Variants in PKD1 observed in about 807,000 individuals in gnomAD.
PKD1 encodes the protein polycystin-1.
Under a neutral mutation model 361.7 loss-of-function variants are expected in PKD1, and 81 were observed. The observed-to-expected ratio is 0.22, with a 90% CI of 0.19 to 0.27. The LOEUF (loss-of-function observed/expected upper bound fraction) is 0.27. PKD1 is among the 10% of genes least tolerant of loss of function. PKD1 has a pLI of 1.00. For synonymous variants in PKD1, 3,615 were observed against 2,818.3 expected (o/e 1.28, Z -8.95); for missense variants, 6,399 against 6,118.3 (o/e 1.05, Z -1.53).
intron 30 of PKD1, chr16:2,098,204 G>A (rs1055923416): frequency 3.5e-5 from 21 of 595,158 alleles, no homozygotes; most frequent in African/African-American, 2.2e-4. Context: ...AAGGAACAGA[G>A]TTTTAAATTT....
At chr16:2,132,308 G>A (rs1207314017) in intron 1 of PKD1, among the ~76,000 whole-genome samples, 2 of 150,316 alleles carry the variant, frequency 1.3e-5, no homozygotes, top group African/African-American at 2.4e-5. Context: ...GGTGGCTCAC[G>A]CCTGTAATCC....
Position 2,116,878 on chromosome 16 carries a change from G to A in PKD1, c.1561C>T (p.Leu521=). The A allele has an allele frequency of 1.3e-6, 2 of 1,533,378 alleles. No homozygotes were observed. The highest frequency in any genetic ancestry group is 1.7e-6 in the Non-Finnish European group (2 of 1,144,384). 95.0% of individuals were successfully genotyped at this position (1,533,378 alleles called of 1,614,324 possible). Residue 521 remains leucine (L), a synonymous_variant, in exon 7 of 46, where the codon CTG becomes TTG. Coordinates refer to ENST00000262304, the MANE Select transcript of PKD1 (RefSeq NM_001009944.3). ...LGPTGWCNTD[L]CSAPHSYVCE... The stretch of plus-strand genomic sequence containing the variant: ...ACGTAGCTGTGCGGCGCTGAGCACA[G>A]GTCGGTGTTACACCACCCGGTGGGC...
In PKD1 at chr16:2,089,622, C is replaced by G; in HGVS notation, c.*105G>C. On this transcript the variant is annotated 3_prime_UTR_variant, in exon 46 of 46. Transcript: ENST00000262304. ...TGCCCCTGCCTGCTCTCTGGGGAACCTACGTGCAGCCATTCTGCCTGGCCC... is the reference window on the plus strand; with the variant it reads ...TGCCCCTGCCTGCTCTCTGGGGAACGTACGTGCAGCCATTCTGCCTGGCCC... The G allele has an allele frequency of 2.9e-6, 4 of 1,387,074 alleles. No individual in the cohort carries two copies. Among genetic ancestry groups the G allele is most frequent in the Non-Finnish European group, 4.0e-6 (4 of 1,009,300 alleles). The allele number at this position is 1,387,074 out of a possible 1,614,324, so 85.9% of individuals were successfully genotyped here.
At position 2,100,306 on chromosome 16, in the gene PKD1, A is replaced by G. The variant is rs879021996; in HGVS notation, c.9572T>C (p.Leu3191Pro). ...KIRVWHDNKG[L>P]SPAWFLQHVI... ...GTGCTGCAGGAACCAGGCAGGGCTG[A>G]GCCCTGCAGAGGCGCAGGAGGGAGG... The change falls in exon 28 of 46, where the codon CTC (leucine) becomes CCC (proline). Residue 3191 changes from leucine to proline, a missense_variant. Leu to Pro is a moderately conservative substitution (Grantham distance 98, BLOSUM62 -3). Transcript: ENST00000262304. The surrounding 1 kb of genome is among the most constrained non-coding windows in gnomAD (Gnocchi z 4.4). 6.2e-7 allele frequency: 1 copy of G among 1,610,664 alleles called. No individual in the cohort carries two copies. The highest frequency in any genetic ancestry group is 1.1e-5 in the South Asian group (1 of 90,994).
In PKD1 at chr16:2,104,492, C is replaced by T. The variant is rs750500283; in HGVS notation, c.8161+6G>A. On this transcript the variant is annotated splice_donor_region_variant and intron_variant, in intron 22 of 45. Coordinates refer to ENST00000262304, the MANE Select transcript of PKD1 (RefSeq NM_001009944.3). ...GGCGGGTGGCATGGGGCACGGGCCG[C>T]GGCACCTGTGATGTTGAGGATGCTG... 29 of 1,515,452 alleles carry T rather than the reference C, an allele frequency of 1.9e-5. No individual in the cohort carries two copies. Among genetic ancestry groups the T allele is most frequent in the Admixed American group, 7.7e-5 (4 of 51,732 alleles). 93.9% of individuals were successfully genotyped at this position (1,515,452 alleles called of 1,614,324 possible).
intron 26 of PKD1, among the ~76,000 whole-genome samples, chr16:2,101,685 G>A (rs540595786): frequency 7.9e-5 from 12 of 152,370 alleles, no homozygotes; most frequent in African/African-American, 2.6e-4. Flanking sequence ...GAAAATGGAG[G>A]TACTGAAGAA....
intron 9 of PKD1, 48 bp from the exon 10 acceptor site, chr16:2,115,673 C>G (rs564928981): frequency 1.9e-6 from 3 of 1,568,934 alleles, no homozygotes; most frequent in South Asian, 2.2e-5. Context: ...CACAGGCCAC[C>G]GTCAGAGATG....
intron 21 of PKD1, among the ~76,000 whole-genome samples, chr16:2,105,085 C>G (rs1251737041): frequency 7.8e-6 from 1 of 128,070 alleles, no homozygotes; most frequent in African/African-American, 2.9e-5. Context: ...CTTCTTAGTC[C>G]CTCCCCACAT....
intron 16 of PKD1, chr16:2,107,380 G>A (rs1252045169): frequency 3.6e-5 from 13 of 365,572 alleles, no homozygotes; most frequent in African/African-American, 4.2e-5. Flanking sequence ...CCCCTCAGAC[G>A]ACCCCTCTGG....
intron 34 of PKD1, among the ~76,000 whole-genome samples, chr16:2,096,390 C>A (rs796828285): frequency 6.6e-6 from 1 of 152,258 alleles, no homozygotes; most frequent in Non-Finnish European, 1.5e-5. Flanking sequence ...GGGTCACACG[C>A]GTGGGAACAC....
At chr16:2,116,154 C>T in intron 8 of PKD1, 36 bp from the exon 9 acceptor site, 1 of 1,552,606 alleles carries the variant, frequency 6.4e-7, no homozygotes, top group Non-Finnish European at 8.7e-7. Flanking sequence ...TCCACAGACC[C>T]CATCCCAGCC....
At position 2,107,926 on chromosome 16, in the gene PKD1, G is replaced by A; in HGVS notation, c.7022C>T (p.Thr2341Ile). 1.3e-6 allele frequency: 2 copies of A among 1,546,140 alleles called. No individual in the cohort carries two copies. The highest frequency in any genetic ancestry group is 1.7e-6 in the Non-Finnish European group (2 of 1,146,734). The stretch of plus-strand genomic sequence containing the variant: ...CTCCTTGCGGCCGGCCTTCCACACG[G>A]TCAGGCTGAAGGTGTACTCCACGCC... ...AAGVEYTFSL[T>I]VWKAGRKEEA... The change falls in exon 16 of 46, where the codon ACC becomes ATC. Residue 2341 changes from threonine (T) to isoleucine (I), a missense_variant. Physicochemically the swap from Thr to Ile is moderately conservative, Grantham distance 89. Coordinates refer to ENST00000262304, the MANE Select transcript of PKD1 (RefSeq NM_001009944.3).
In PKD1 at chr16:2,092,031, C is replaced by T. The variant is rs543197516; in HGVS notation, c.11411+16G>A. The T allele has an allele frequency of 1.9e-6, 3 of 1,612,732 alleles. No homozygotes were observed. The highest frequency in any genetic ancestry group is 2.2e-5 in the East Asian group (1 of 44,878). On this transcript the variant is annotated intron_variant, in intron 40 of 45. Coordinates refer to ENST00000262304, the MANE Select transcript of PKD1 (RefSeq NM_001009944.3). ...TTGTCCTTGGCGTAGACGCCCGGGG[C>T]CCTCGCTCTGCTCACCCCAGCAGAT... is the stretch of plus-strand genomic sequence containing the variant.
intron 15 of PKD1, 59 bp downstream of exon 15, chr16:2,108,193 C>T: frequency 6.5e-7 from 1 of 1,531,546 alleles, no homozygotes; most frequent in Non-Finnish European, 8.9e-7. Flanking sequence ...TGGGTGTTCT[C>T]TGGGCTCATG....
chr16:2,129,870 C>G (rs1475655099), intron 1 of PKD1, among the ~76,000 whole-genome samples: 1 of 151,750 alleles, frequency 6.6e-6, no homozygotes, highest in Non-Finnish European at 1.5e-5. Flanking sequence ...GGGTCCCTGT[C>G]TGTTGTTGAA....
intron 1 of PKD1, among the ~76,000 whole-genome samples, chr16:2,121,704 G>A (rs1470328355): frequency 6.6e-6 from 1 of 151,494 alleles, no homozygotes; most frequent in African/African-American, 2.4e-5. Flanking sequence ...CCCACCCTGG[G>A]CACCCCTCCT....
At position 2,110,280 on chromosome 16, in the gene PKD1, C is replaced by T. The variant is rs1297079984; in HGVS notation, c.4887G>A (p.Leu1629=). The change falls in exon 15 of 46, where the codon CTG becomes CTA. Residue 1629 remains leucine, a synonymous_variant. Transcript: ENST00000262304. ...CCACCTGCAGCCCCTCTATGAGCTG[C>T]AGGACATAGACGAAGATGCTGTCCT... ...SAQDSIFVYV[L]QLIEGLQVVG... is the part of the protein sequence containing the mutation. 2 of 1,612,626 alleles carry T rather than the reference C, an allele frequency of 1.2e-6. No individual in the cohort carries two copies. The highest frequency in any genetic ancestry group is 2.2e-5 in the South Asian group (2 of 91,082).
intron 1 of PKD1, among the ~76,000 whole-genome samples, chr16:2,128,766 G>A (rs954424477): frequency 2.0e-5 from 3 of 151,810 alleles, no homozygotes; most frequent in East Asian, 1.9e-4. Flanking sequence ...GTGCAATGGT[G>A]CAATCTTGCC....
rs567482892 is a variant in PKD1 at position 2,091,453 on chromosome 16, G to T, written c.11682C>A (p.Ser3894Arg). The part of the protein sequence containing the change: ...SVRPFALRRL[S>R]AGLSLPLLTS... The stretch of plus-strand genomic sequence containing the variant: ...TGAGCAGAGGCAGCGAGAGGCCCGC[G>T]CTGAGGCGGCGCAGCGCAAAGGGGC... The change falls in exon 42 of 46, where the codon AGC becomes AGA. Residue 3894 changes from serine (S) to arginine (R), a missense_variant. Transcript: ENST00000262304. 1.1e-5 allele frequency: 14 copies of T among 1,236,492 alleles called. No homozygotes were observed. Among genetic ancestry groups the T allele is most frequent in the Non-Finnish European group, 1.1e-5 (11 of 987,566 alleles). The allele number at this position is 1,236,492 out of a possible 1,614,324, so 76.6% of individuals were successfully genotyped here.
Sources: allele counts gnomAD v4.1 joint callset (sites outside exome capture counted in the v4.1 genomes callset), GRCh38; gene constraint gnomAD v4.1.1; non-coding constraint Gnocchi (gnomAD v3.1); transcripts MANE v1.5; gene names NCBI Gene and HGNC (gene_info 2026-07-23, HGNC 2026-07-21).